Variants in PDE4D observed in about 807,000 individuals in gnomAD.
The protein encoded by PDE4D is 3',5'-cyclic-AMP phosphodiesterase 4D.
A neutral mutation model predicts 87.4 loss-of-function variants in PDE4D; 24 were observed. The observed-to-expected ratio is 0.27, with a 90% CI of 0.20 to 0.39. The LOEUF (loss-of-function observed/expected upper bound fraction) is 0.39, where lower values mean the gene tolerates loss of function less well. PDE4D is among the 10% of genes least tolerant of loss of function. The probability of loss-of-function intolerance (pLI) is 1.00; values close to 1 mark genes in which losing one functional copy is unlikely to be tolerated. For synonymous variants in PDE4D, 384 were observed against 383.2 expected, an observed-to-expected ratio of 1.00 and a Z score of -0.02; for missense variants, 714 against 1,041.0, an observed-to-expected ratio of 0.69 and a Z score of 4.32.
intron 1 of PDE4D, among the ~76,000 whole-genome samples, chr5:60,433,361 C>T (rs540521807): frequency 9.9e-5 from 15 of 152,224 alleles, no homozygotes; most frequent in African/African-American, 3.6e-4. Context: ...CAAATCAAAA[C>T]CACAATGAGA....
At chr5:60,182,721 G>A (rs2962970) in intron 2 of PDE4D, among the ~76,000 whole-genome samples, 108,104 of 151,892 alleles carry the variant, frequency 0.71, 39,250 homozygotes, top group African/African-American at 0.81. Flanking sequence ...TACTAAAAAT[G>A]CCAAAAAAAT....
At chr5:60,039,975 T>A (rs1768275753) in intron 2 of PDE4D, among the ~76,000 whole-genome samples, 1 of 152,244 alleles carries the variant, frequency 6.6e-6, no homozygotes, top group Non-Finnish European at 1.5e-5. Context: ...AGTATTTTAT[T>A]TTTATCATTC....
At chr5:60,343,879 G>A (rs1758516453) in intron 1 of PDE4D, among the ~76,000 whole-genome samples, 1 of 151,672 alleles carries the variant, frequency 6.6e-6, no homozygotes, top group African/African-American at 2.4e-5. Flanking sequence ...TATTCGGGTT[G>A]TTTAATGACC....
chr5:60,251,815 T>A (rs1748498296), intron 1 of PDE4D, among the ~76,000 whole-genome samples: 1 of 151,944 alleles, frequency 6.6e-6, no homozygotes, highest in Non-Finnish European at 1.5e-5. Context: ...GTTTATAAAG[T>A]CTATAGTAGT....
At chr5:59,333,853 A>T (rs1441789937) in intron 1 of PDE4D, among the ~76,000 whole-genome samples, 1 of 152,042 alleles carries the variant, frequency 6.6e-6, no homozygotes, top group African/African-American at 2.4e-5. Context: ...TATATTTCAT[A>T]CATATCTTGA....
chr5:60,060,670 T>A (rs1463460431), intron 2 of PDE4D, among the ~76,000 whole-genome samples: 1 of 152,040 alleles, frequency 6.6e-6, no homozygotes, highest in East Asian at 1.9e-4. Flanking sequence ...CCATCTCCTC[T>A]TGCAGCCACC....
intron 1 of PDE4D, among the ~76,000 whole-genome samples, chr5:60,218,262 A>G (rs2149589921): frequency 6.6e-6 from 1 of 152,184 alleles, no homozygotes; most frequent in Admixed American, 6.5e-5. Context: ...GAAAGCAAAT[A>G]TAAGGTATCA....
intron 2 of PDE4D, among the ~76,000 whole-genome samples, chr5:60,059,444 T>C (rs1771154822): frequency 6.6e-6 from 1 of 152,000 alleles, no homozygotes; most frequent in Non-Finnish European, 1.5e-5. Context: ...GGGAGAAAAG[T>C]ACAAAACCCT....
intron 1 of PDE4D, among the ~76,000 whole-genome samples, chr5:59,488,166 C>CAAAAA: frequency 9.3e-6 from 1 of 107,368 alleles, no homozygotes; most frequent in Non-Finnish European, 2.1e-5. Flanking sequence ...CATCAAGAGC[C>CAAAAA]AAAAAAAAAA....
At chr5:59,101,180 C>T (rs1325891345) in intron 5 of PDE4D, among the ~76,000 whole-genome samples, 4 of 152,140 alleles carry the variant, frequency 2.6e-5, no homozygotes, top group African/African-American at 7.2e-5. Context: ...TACACAGATA[C>T]ATTAATCCCT....
intron 6 of PDE4D, among the ~76,000 whole-genome samples, chr5:59,010,613 T>C (rs1372153224): frequency 6.6e-6 from 1 of 152,100 alleles, no homozygotes; most frequent in Non-Finnish European, 1.5e-5. Flanking sequence ...CTTTGTATGC[T>C]CATTCTAGGC....
chr5:59,343,844 T>C (rs1247329541), intron 1 of PDE4D, among the ~76,000 whole-genome samples: 4 of 152,170 alleles, frequency 2.6e-5, no homozygotes, highest in African/African-American at 9.7e-5. Flanking sequence ...AGGTAACTTG[T>C]CCATTGTTGT....
intron 1 of PDE4D, among the ~76,000 whole-genome samples, chr5:60,299,669 G>A (rs1433258437): frequency 6.6e-6 from 1 of 152,142 alleles, no homozygotes; most frequent in East Asian, 1.9e-4. Flanking sequence ...TTCCGTTCCT[G>A]CATTAGTTTG....
At chr5:60,355,317 G>A (rs553012834) in intron 1 of PDE4D, among the ~76,000 whole-genome samples, 1 of 152,146 alleles carries the variant, frequency 6.6e-6, no homozygotes, top group Non-Finnish European at 1.5e-5. Context: ...AGTATTCATA[G>A]GTAAATATTC....
intron 2 of PDE4D, among the ~76,000 whole-genome samples, chr5:60,109,755 G>A (rs565408223): frequency 5.1e-4 from 77 of 151,708 alleles, no homozygotes; most frequent in Middle Eastern, 6.8e-3. Context: ...GTAAACTATC[G>A]CAAGGACAAA....
intron 6 of PDE4D, among the ~76,000 whole-genome samples, chr5:59,015,917 A>G (rs1381770094): frequency 6.6e-6 from 1 of 152,232 alleles, no homozygotes; most frequent in African/African-American, 2.4e-5. Context: ...AATGTGGCAC[A>G]TACACACCAT....
intron 1 of PDE4D, among the ~76,000 whole-genome samples, chr5:60,193,024 A>G (rs1785320765): frequency 6.6e-6 from 1 of 152,210 alleles, no homozygotes; most frequent in Non-Finnish European, 1.5e-5. Context: ...TAGACTGAGA[A>G]AAGCCAAGTT....
chr5:59,712,960 A>G (rs1259049628), intron 1 of PDE4D, among the ~76,000 whole-genome samples: 1 of 152,230 alleles, frequency 6.6e-6, no homozygotes, highest in African/African-American at 2.4e-5. Flanking sequence ...TGGAATATTT[A>G]AAGTTACTTA....
intron 1 of PDE4D, among the ~76,000 whole-genome samples, chr5:59,395,866 C>T (rs370984902): frequency 4.2e-5 from 5 of 118,402 alleles, no homozygotes; most frequent in African/African-American, 1.7e-4. Context: ...ACTAGAATAA[C>T]CAATACAGAG....
Sources: gnomAD v4.1 joint callset for allele counts (sites outside exome capture counted in the v4.1 genomes callset) on GRCh38, gnomAD v4.1.1 for gene constraint, MANE v1.5 for transcripts, NCBI Gene and HGNC (gene_info 2026-07-23, HGNC 2026-07-21) for gene names.